Variants in SHB observed in about 807,000 individuals in gnomAD.
SHB encodes the protein SH2 domain-containing adapter protein B.
Under a neutral mutation model 52.3 loss-of-function variants are expected in SHB, and 20 were observed. That is an observed-to-expected ratio of 0.38 (90% CI 0.27 to 0.56). The LOEUF is 0.56. Among genes scored for constraint, SHB ranks in the 20% least tolerant of loss-of-function variants. The pLI, the probability that SHB is intolerant of heterozygous loss-of-function variation, is 0.71. For synonymous variants in SHB, 397 were observed against 316.5 expected (o/e 1.25, Z -2.70); for missense variants, 825 against 723.3 (o/e 1.14, Z -1.61).
intron 2 of SHB, among the ~76,000 whole-genome samples, chr9:38,008,801 T>C (rs1821102987): frequency 6.6e-6 from 1 of 151,982 alleles, no homozygotes; most frequent in Non-Finnish European, 1.5e-5. Context: ...AGGGAGGAGC[T>C]TGAGGCCTGG....
At chr9:37,988,688 G>A (rs541535486) in intron 2 of SHB, among the ~76,000 whole-genome samples, 6 of 152,188 alleles carry the variant, frequency 3.9e-5, no homozygotes, top group South Asian at 2.1e-4. Context: ...CAGATAGTTC[G>A]TCAAATATTA....
rs78181714 is a variant in SHB, at chr9:37,991,806, C to T, written c.839-16969G>A. Among the ~76,000 whole-genome samples the T allele has an allele frequency of 2.8e-3, 432 of 152,356 alleles. 3 individuals carry two copies. In the East Asian group the frequency reaches 0.039, roughly 14 times the overall value. The stretch of plus-strand genomic sequence containing the variant: ...CCAAACTGAGATGGATGATAACCCA[C>T]AGGCTGTGCTCTGTGAAGGAAGGTG... On this transcript the variant is annotated intron_variant, in intron 2 of 5. Coordinates refer to ENST00000377707, the MANE Select transcript of SHB (RefSeq NM_003028.3).
intron 5 of SHB, among the ~76,000 whole-genome samples, chr9:37,921,778 C>A (rs143151874): frequency 1.3e-5 from 2 of 152,348 alleles, no homozygotes; most frequent in East Asian, 3.9e-4. Context: ...TGTAAAACTC[C>A]ATTCCAGCAA....
In SHB at chr9:38,053,406, T is replaced by A. The variant is rs527881689; in HGVS notation, c.717+14523A>T. On this transcript the variant is annotated intron_variant, in intron 1 of 5. Transcript: ENST00000377707. ...GCGCTTGCCACCACGCCCAGCTAATTTTTTGTATTTTCAGTAGAGATGGGG... is the reference window on the plus strand; with the variant it reads ...GCGCTTGCCACCACGCCCAGCTAATATTTTGTATTTTCAGTAGAGATGGGG... Among the ~76,000 whole-genome samples the A allele has an allele frequency of 7.9e-5, 12 of 152,122 alleles. 2 individuals carry two copies. Among genetic ancestry groups the A allele is most frequent in the African/African-American group, 2.9e-4 (12 of 41,468 alleles).
At chr9:37,982,264 G>A (rs892340037) in intron 2 of SHB, among the ~76,000 whole-genome samples, 6 of 151,366 alleles carry the variant, frequency 4.0e-5, no homozygotes, top group Admixed American at 3.3e-4. Flanking sequence ...AGGCCAAGGG[G>A]GGTGGATCAC....
Position 37,940,771 on chromosome 9 carries a change from A to G in SHB, c.1346+7864T>C, listed in dbSNP as rs148812207. 6.6e-4 allele frequency among the ~76,000 whole-genome samples: 101 copies of G among 152,316 alleles called. No individual in the cohort carries two copies. The East Asian group carries it at 0.011, about 16-fold the overall frequency. On this transcript the variant is annotated intron_variant, in intron 5 of 5. Transcript: ENST00000377707. ...GTCTCTTTCTGTTCCCTAAACCCCA[A>G]GATTTCTGCTTAGGGTATTCCTGGA... is the stretch of plus-strand genomic sequence containing the variant.
chr9:38,068,058 G>T lies in SHB; in HGVS notation c.588C>A (p.Ala196=), dbSNP rs1477466115. ...CGCAGGCGCCCCCCAGGGGGTCCCCGGCCCCACCGCCCGCGGCGCTCTCCA... is the reference window on the plus strand; with the variant it reads ...CGCAGGCGCCCCCCAGGGGGTCCCCTGCCCCACCGCCCGCGGCGCTCTCCA... ...IKVESAAGGG[A]GDPLGGACAG... The change falls in exon 1 of 6, where the codon GCC becomes GCA. Residue 196 remains alanine (A), a synonymous_variant. Coordinates refer to ENST00000377707, the MANE Select transcript of SHB (RefSeq NM_003028.3). 1 of 1,493,524 alleles carries T rather than the reference G, an allele frequency of 6.7e-7. No homozygotes were observed. Among genetic ancestry groups the T allele is most frequent in the East Asian group, 2.7e-5 (1 of 37,228 alleles). 92.5% of individuals were successfully genotyped at this position (1,493,524 alleles called of 1,614,324 possible).
intron 1 of SHB, among the ~76,000 whole-genome samples, chr9:38,020,593 T>C (rs1821269424): frequency 6.6e-6 from 1 of 152,270 alleles, no homozygotes; most frequent in South Asian, 2.1e-4. Flanking sequence ...CTCCAGGATC[T>C]AAGACATGGA....
At chr9:38,049,958 C>A (rs1420664574) in intron 1 of SHB, among the ~76,000 whole-genome samples, 1 of 152,156 alleles carries the variant, frequency 6.6e-6, no homozygotes, top group African/African-American at 2.4e-5. Context: ...TGCCACCACA[C>A]CCGGCTAATT....
intron 2 of SHB, among the ~76,000 whole-genome samples, chr9:37,989,041 AT>A (rs5897709): frequency 0.57 from 85,622 of 149,946 alleles, 24,563 homozygotes; most frequent in East Asian, 0.74. Context: ...CACATGATCC[AT>A]TTTTTTTTTT....
At chr9:37,928,673 A>C (rs1832278128) in intron 5 of SHB, among the ~76,000 whole-genome samples, 1 of 152,256 alleles carries the variant, frequency 6.6e-6, no homozygotes, top group Non-Finnish European at 1.5e-5. Flanking sequence ...GGGAATAACC[A>C]GAGTCCACCC....
intron 5 of SHB, among the ~76,000 whole-genome samples, chr9:37,924,865 A>G (rs118057661): frequency 6.6e-6 from 1 of 152,314 alleles, no homozygotes; most frequent in Non-Finnish European, 1.5e-5. Flanking sequence ...ATTTGAACCT[A>G]TGTTTGTTGA....
chr9:37,983,844 T>C (rs1587228664), intron 2 of SHB, among the ~76,000 whole-genome samples: 1 of 152,200 alleles, frequency 6.6e-6, no homozygotes, highest in Non-Finnish European at 1.5e-5. Flanking sequence ...ATTACTGGAA[T>C]GATGCACTTG....
chr9:37,975,574 A>T (rs951622216), intron 2 of SHB, among the ~76,000 whole-genome samples: 1 of 152,164 alleles, frequency 6.6e-6, no homozygotes, highest in African/African-American at 2.4e-5. Flanking sequence ...CCCAGACAGG[A>T]GGTGTTCATT....
At chr9:38,019,584 T>C (rs1370696055) in intron 1 of SHB, among the ~76,000 whole-genome samples, 1 of 152,274 alleles carries the variant, frequency 6.6e-6, no homozygotes, top group Non-Finnish European at 1.5e-5. Context: ...TAGTTGCTTT[T>C]GTGGGACAGC....
chr9:37,943,299 G>C lies in SHB; in HGVS notation c.1346+5336C>G, dbSNP rs867017289. 6.6e-5 allele frequency among the ~76,000 whole-genome samples: 10 copies of C among 152,062 alleles called. No individual in the cohort carries two copies. The Middle Eastern group carries it at 0.01, about 155-fold the overall frequency. ...TCATAGAAAGAGTACTTTCTACTTC[G>C]GGCAGCCCTGAACACATTCTCCGTG... is the stretch of plus-strand genomic sequence containing the variant. On this transcript the variant is annotated intron_variant, in intron 5 of 5. Coordinates refer to ENST00000377707, the MANE Select transcript of SHB (RefSeq NM_003028.3).
chr9:37,927,259 G>A (rs1045753426), intron 5 of SHB, among the ~76,000 whole-genome samples: 13 of 152,256 alleles, frequency 8.5e-5, no homozygotes, highest in Non-Finnish European at 1.8e-4. Flanking sequence ...GAGCTTAGGA[G>A]GCCACGTGGC....
At position 37,948,111 on chromosome 9, in the gene SHB, C is replaced by T. The variant is rs536745122; in HGVS notation, c.1346+524G>A. On this transcript the variant is annotated intron_variant, in intron 5 of 5. Coordinates refer to ENST00000377707, the MANE Select transcript of SHB (RefSeq NM_003028.3). Reference sequence around the variant, plus strand: ...AACACCACCTCTTCCCAGTGCTCCTCCTAGACTTTGTGCAACACCCAAACT... The same window carrying T: ...AACACCACCTCTTCCCAGTGCTCCTTCTAGACTTTGTGCAACACCCAAACT... Among the ~76,000 whole-genome samples the T allele has an allele frequency of 5.4e-4, 82 of 152,352 alleles. 1 individual carries two copies. Among genetic ancestry groups the T allele is most frequent in the African/African-American group, 1.9e-3 (81 of 41,588 alleles).
intron 1 of SHB, among the ~76,000 whole-genome samples, chr9:38,059,189 C>T (rs1821860258): frequency 6.6e-6 from 1 of 152,234 alleles, no homozygotes; most frequent in Non-Finnish European, 1.5e-5. Context: ...AACTCTGGGT[C>T]CAGCCTGTAA....
Sources: allele counts gnomAD v4.1 joint callset (sites outside exome capture counted in the v4.1 genomes callset), GRCh38; gene constraint gnomAD v4.1.1; transcripts MANE v1.5; gene names NCBI Gene and HGNC (gene_info 2026-07-23, HGNC 2026-07-21).